FNBP1: variants seen among roughly 807,000 people sequenced by gnomAD.
FNBP1 encodes formin binding protein 1.
A neutral mutation model predicts 90.6 loss-of-function variants in FNBP1; 26 were observed. The ratio of observed to expected loss-of-function variants is 0.29; its 90% confidence interval spans 0.21 to 0.40. The LOEUF (loss-of-function observed/expected upper bound fraction) is 0.40, where lower values mean the gene tolerates loss of function less well. FNBP1 is among the 10% of genes least tolerant of loss of function. The pLI is 1.00. For synonymous variants in FNBP1, 260 were observed against 265.2 expected (o/e 0.98, Z 0.19); for missense variants, 635 against 768.0 (o/e 0.83, Z 2.05).
chr9:129,995,045 T>C, intron 1 of FNBP1, 87 bp from the exon 2 acceptor site: 1 of 740,060 alleles, frequency 1.4e-6, no homozygotes, highest in Non-Finnish European at 2.4e-6. Context: ...AACATATTAC[T>C]ACATACAAAG....
intron 2 of FNBP1, among the ~76,000 whole-genome samples, chr9:129,990,496 G>A (rs2052958945): frequency 6.6e-6 from 1 of 152,120 alleles, no homozygotes; most frequent in African/African-American, 2.4e-5. Flanking sequence ...AAAACAGGAA[G>A]GAGGCCTCTG....
chr9:129,944,271 G>T (rs576259877), intron 6 of FNBP1, among the ~76,000 whole-genome samples: 2 of 151,962 alleles, frequency 1.3e-5, no homozygotes, highest in Non-Finnish European at 2.9e-5. Flanking sequence ...GGCCGGGTGC[G>T]GTAGCTCATG....
chr9:130,031,725 A>G lies in FNBP1; in HGVS notation c.24+11227T>C, dbSNP rs548829634. On this transcript the variant is annotated intron_variant, in intron 1 of 16. Coordinates refer to ENST00000446176, the MANE Select transcript of FNBP1 (RefSeq NM_015033.3). This position sits in a 1 kb window ranked among gnomAD's most constrained non-coding sequence, Gnocchi z 4.2. ...TGCCCAGGCTGGAGTGCAGTGGCAC[A>G]ATCTCAGTTCACTGCAACATCCACC... 3.3e-5 allele frequency among the ~76,000 whole-genome samples: 5 copies of G among 151,964 alleles called. No homozygotes were observed. The South Asian group carries it at 1.0e-3, about 31-fold the overall frequency.
intron 4 of FNBP1, among the ~76,000 whole-genome samples, chr9:129,969,678 C>A (rs925582170): frequency 1.3e-5 from 2 of 151,780 alleles, no homozygotes; most frequent in African/African-American, 4.8e-5. Flanking sequence ...GAAAGGCCGA[C>A]GCGGGAAGAT....
chr9:129,987,641 T>A (rs1039280159), intron 2 of FNBP1, among the ~76,000 whole-genome samples: 3 of 151,862 alleles, frequency 2.0e-5, no homozygotes, highest in Non-Finnish European at 4.4e-5. Context: ...CCTGAGTAGC[T>A]GGGATGACAG....
At chr9:130,004,342 T>G (rs928261223) in intron 1 of FNBP1, among the ~76,000 whole-genome samples, 23 of 152,000 alleles carry the variant, frequency 1.5e-4, no homozygotes, top group African/African-American at 5.3e-4. Context: ...ACTAAGTTGC[T>G]AAAATTACCT....
chr9:129,914,106 C>T (rs1480092823), intron 11 of FNBP1, among the ~76,000 whole-genome samples: 1 of 151,740 alleles, frequency 6.6e-6, no homozygotes, highest in African/African-American at 2.4e-5. Context: ...TCTGCCTGCC[C>T]CCACCTCCCA....
chr9:129,932,008 T>G (rs1458232455), intron 6 of FNBP1, among the ~76,000 whole-genome samples: 1 of 151,510 alleles, frequency 6.6e-6, no homozygotes, highest in Admixed American at 6.6e-5. Context: ...GTCAAGAGAT[T>G]GAGACCATCC....
At chr9:130,035,373 C>T (rs2059217320) in intron 1 of FNBP1, among the ~76,000 whole-genome samples, 1 of 152,172 alleles carries the variant, frequency 6.6e-6, no homozygotes, top group South Asian at 2.1e-4. Flanking sequence ...CTTGTGTCTG[C>T]TCTGGAGCTC....
At chr9:130,027,964 G>C (rs983732171) in intron 1 of FNBP1, among the ~76,000 whole-genome samples, 1 of 151,886 alleles carries the variant, frequency 6.6e-6, no homozygotes, top group South Asian at 2.1e-4. Flanking sequence ...TGTTGCTCAG[G>C]GTAGTCTCAA....
rs901155477 is a variant in FNBP1 at position 129,928,660 on chromosome 9, C to CA, written c.642+906dup. Among the ~76,000 whole-genome samples, 242 of 95,854 alleles carry CA rather than the reference C, an allele frequency of 2.5e-3. 1 individual carries two copies. Among genetic ancestry groups the CA allele is most frequent in the East Asian group, 4.9e-3 (17 of 3,478 alleles). The allele number at this position is 95,854 out of a possible 152,430, so 62.9% of individuals were successfully genotyped here. A position where few individuals can be genotyped will look rare whatever the true frequency, so the allele number is the denominator to read the frequency against. ...TGGGTGACAGAGCAAGACTCCATCT[C>CA]AAAAAAAAAAAAGAAAAAAAGAAAA... On this transcript the variant is annotated intron_variant, in intron 7 of 16. Coordinates refer to ENST00000446176, the MANE Select transcript of FNBP1 (RefSeq NM_015033.3).
At chr9:129,974,519 A>C (rs2050003035) in intron 4 of FNBP1, among the ~76,000 whole-genome samples, 1 of 152,244 alleles carries the variant, frequency 6.6e-6, no homozygotes, top group African/African-American at 2.4e-5. Flanking sequence ...CCATAATGCT[A>C]ATTCATCATT....
intron 2 of FNBP1, among the ~76,000 whole-genome samples, chr9:129,992,503 C>T (rs569388280): frequency 1.3e-5 from 2 of 150,892 alleles, no homozygotes; most frequent in East Asian, 3.9e-4. Flanking sequence ...CCTGTAATCC[C>T]AGCTTGCTGA....
intron 6 of FNBP1, among the ~76,000 whole-genome samples, chr9:129,930,876 C>CT (rs1285368133): frequency 6.6e-6 from 1 of 152,188 alleles, no homozygotes; most frequent in Non-Finnish European, 1.5e-5. Flanking sequence ...GGTTTTTGGT[C>CT]TTTAAGTGAC....
At chr9:129,893,643 G>T (rs1202581075) in intron 16 of FNBP1, among the ~76,000 whole-genome samples, 1 of 73,566 alleles carries the variant, frequency 1.4e-5, no homozygotes, top group Non-Finnish European at 3.1e-5. Context: ...AAAAAGCCAG[G>T]CACGGGCTCA....
chr9:130,029,990 A>T (rs1006134086), intron 1 of FNBP1, among the ~76,000 whole-genome samples: 6 of 152,054 alleles, frequency 3.9e-5, no homozygotes, highest in African/African-American at 1.4e-4. Context: ...CAAAAATTAC[A>T]GATTCTTACA....
chr9:129,927,464 G>A (rs928455368), intron 7 of FNBP1, 123 bp from the exon 8 acceptor site: 8 of 835,412 alleles, frequency 9.6e-6, no homozygotes, highest in African/African-American at 3.4e-5. Context: ...GAGTTAGAGC[G>A]GCTCTAAGTA....
At chr9:129,944,504 G>A (rs1367010601) in intron 6 of FNBP1, among the ~76,000 whole-genome samples, 4 of 147,240 alleles carry the variant, frequency 2.7e-5, no homozygotes, top group African/African-American at 7.6e-5. Flanking sequence ...TCATGCCCCC[G>A]CACTCCAGCC....
intron 1 of FNBP1, among the ~76,000 whole-genome samples, chr9:130,017,263 A>T (rs1398873137): frequency 1.3e-5 from 2 of 152,194 alleles, no homozygotes; most frequent in Non-Finnish European, 2.9e-5. Context: ...GAGATATCTA[A>T]GTGTTTATAT....
Sources: gnomAD v4.1 joint callset for allele counts (sites outside exome capture counted in the v4.1 genomes callset) on GRCh38, gnomAD v4.1.1 for gene constraint, Gnocchi (gnomAD v3.1) non-coding constraint, MANE v1.5 for transcripts, NCBI Gene and HGNC (gene_info 2026-07-23, HGNC 2026-07-21) for gene names.